CES4A: variants seen among roughly 807,000 people sequenced by gnomAD.
CES4A encodes the protein carboxylesterase 6.
Under a neutral mutation model 65.4 loss-of-function variants are expected in CES4A, and 48 were observed. The observed-to-expected ratio is 0.73, with a 90% CI of 0.58 to 0.93. CES4A has a LOEUF of 0.93. CES4A is among the 40% of genes least tolerant of loss of function. The pLI is 0.00. For synonymous variants in CES4A, 247 were observed against 281.8 expected (o/e 0.88, Z 1.24); for missense variants, 685 against 728.5 (o/e 0.94, Z 0.69).
chr16:66,995,826 C>T, exon 2 of CES4A: 1 of 1,613,138 alleles, frequency 6.2e-7, no homozygotes, highest in Non-Finnish European at 8.5e-7. Context: ...ACCTACCCGC[C>T]TGGGTAAGAG....
chr16:67,003,054 C>T lies in CES4A; in HGVS notation c.691-16C>T. ...ACTTGGGCATCTCACGGGTGTATTCCTCCCTGTTCTTGCAGATGATGTCAC... is the reference window on the plus strand; with the variant it reads ...ACTTGGGCATCTCACGGGTGTATTCTTCCCTGTTCTTGCAGATGATGTCAC... On this transcript the variant is annotated splice_polypyrimidine_tract_variant and intron_variant, in intron 5 of 13. Transcript: ENST00000648724. The surrounding 1 kb of genome is among the most constrained non-coding windows in gnomAD (Gnocchi z 4.2). 6.2e-7 allele frequency: 1 copy of T among 1,608,072 alleles called. No individual in the cohort carries two copies. The highest frequency in any genetic ancestry group is 1.1e-5 in the South Asian group (1 of 90,976).
chr16:67,005,193 G>C, intron 10 of CES4A, 47 bp from the exon 11 acceptor site: 1 of 1,607,912 alleles, frequency 6.2e-7, no homozygotes, highest in Admixed American at 1.7e-5. Context: ...CCCACCTCTG[G>C]CCCAGCTGGC....
chr16:67,004,259 A>T, intron 9 of CES4A, 35 bp downstream of exon 9: 1 of 1,612,196 alleles, frequency 6.2e-7, no homozygotes, highest in Non-Finnish European at 8.5e-7. Context: ...CTCTTGCCTT[A>T]CGTAAGTGAG....
At chr16:67,004,995 G>T in intron 10 of CES4A, 122 bp downstream of exon 10, 1 of 872,332 alleles carries the variant, frequency 1.1e-6, no homozygotes, top group Non-Finnish European at 1.8e-6. Flanking sequence ...TTCTTGGAGG[G>T]TCTGGGGTTT....
intron 1 of CES4A, among the ~76,000 whole-genome samples, chr16:66,994,216 T>TTTTA (rs59252158): frequency 0.075 from 10,830 of 144,136 alleles, 481 homozygotes; most frequent in African/African-American, 0.092. Flanking sequence ...AGACATAAAT[T>TTTTA]TTTATTTATT....
intron 8 of CES4A, 43 bp from the exon 9 acceptor site, chr16:67,004,041 G>T (rs760008317): frequency 1.2e-6 from 2 of 1,609,804 alleles, no homozygotes; most frequent in African/African-American, 2.7e-5. Flanking sequence ...GACCCTGGGA[G>T]GATACTTGAG....
chr16:67,005,138 CA>C, intron 10 of CES4A, 101 bp from the exon 11 acceptor site: 2 of 1,267,418 alleles, frequency 1.6e-6, no homozygotes, highest in Non-Finnish European at 1.1e-6. Context: ...CCTCCCAGGC[CA>C]AAAACTCCTG....
At chr16:66,996,932 T>C (rs1191571444) in intron 2 of CES4A, among the ~76,000 whole-genome samples, 1 of 152,046 alleles carries the variant, frequency 6.6e-6, no homozygotes, top group African/African-American at 2.4e-5. Context: ...GGTGAGCACC[T>C]GTGGTCCCAG....
chr16:67,008,368 A>T, intron 13 of CES4A: 1 of 149,936 alleles, frequency 6.7e-6, no homozygotes, highest in South Asian at 2.1e-4. Context: ...TCTCCTTTCC[A>T]CTTTGATCCC....
rs1597093499 is a variant in CES4A, at chr16:67,004,672, T to G, written c.1081-121T>G. On this transcript the variant is annotated intron_variant, in intron 9 of 13. Transcript: ENST00000648724. ...AGAGTCATGGGCCCTTCCTGGGCTG[T>G]GTGCTGTGTCTGATAACTCATCATT... is the stretch of plus-strand genomic sequence containing the variant. 8 of 753,196 alleles carry G rather than the reference T, an allele frequency of 1.1e-5. No homozygotes were observed. In the South Asian group the frequency reaches 1.3e-4, roughly 12 times the overall value. 46.7% of individuals were successfully genotyped at this position (753,196 alleles called of 1,614,324 possible).
chr16:66,991,895 G>C (rs1188209765), intron 1 of CES4A, among the ~76,000 whole-genome samples: 1 of 152,080 alleles, frequency 6.6e-6, no homozygotes, highest in African/African-American at 2.4e-5. Context: ...GATCACTTGA[G>C]GCCAAGAGTT....
At chr16:66,999,258 C>T (rs192472939) in intron 2 of CES4A, among the ~76,000 whole-genome samples, 3 of 152,298 alleles carry the variant, frequency 2.0e-5, no homozygotes, top group Non-Finnish European at 4.4e-5. Context: ...GGGTGTCCTG[C>T]GCCCAATCAA....
chr16:66,997,948 AACACACACACACACAC>A (rs57562021), intron 2 of CES4A, among the ~76,000 whole-genome samples: 137 of 127,374 alleles, frequency 1.1e-3, no homozygotes, highest in African/African-American at 3.3e-3. Context: ...CCCTATCTAA[AACACACACACACACAC>A]ACACACACAC....
At chr16:67,005,083 C>G in intron 10 of CES4A, 157 bp from the exon 11 acceptor site, 7 of 837,098 alleles carry the variant, frequency 8.4e-6, no homozygotes, top group Non-Finnish European at 1.4e-5. Flanking sequence ...TCAGGGGTTA[C>G]AATCAGCAGA....
intron 2 of CES4A, among the ~76,000 whole-genome samples, chr16:66,997,999 A>G (rs2145609565): frequency 7.7e-6 from 1 of 130,474 alleles, no homozygotes; most frequent in Non-Finnish European, 1.6e-5. Context: ...ACACACACAC[A>G]GTTCCTTTTG....
chr16:66,995,227 G>A (rs910036626), intron 1 of CES4A, among the ~76,000 whole-genome samples: 4 of 148,056 alleles, frequency 2.7e-5, no homozygotes, highest in Non-Finnish European at 6.0e-5. Flanking sequence ...GGAGAATGGC[G>A]TGAATCTGGG....
intron 2 of CES4A, among the ~76,000 whole-genome samples, chr16:66,999,635 C>G (rs550667671): frequency 2.4e-4 from 36 of 152,324 alleles, no homozygotes; most frequent in African/African-American, 7.9e-4. Context: ...AACCCCGACT[C>G]TACTAAAAAT....
chr16:67,008,146 C>T (rs1597105056), intron 13 of CES4A: 1 of 152,164 alleles, frequency 6.6e-6, no homozygotes, highest in African/African-American at 2.4e-5. Context: ...GTCTCCAACT[C>T]CCGGGCTCAA....
At chr16:67,010,041 A>G (rs560193824), downstream of CES4A, among the ~76,000 whole-genome samples, 1 of 148,114 alleles carries the variant, frequency 6.8e-6, no homozygotes, top group East Asian at 2.0e-4. Flanking sequence ...CCTGTCCCAC[A>G]GTTTTGTTTC....
Sources: allele counts gnomAD v4.1 joint callset (sites outside exome capture counted in the v4.1 genomes callset), GRCh38; gene constraint gnomAD v4.1.1; non-coding constraint Gnocchi (gnomAD v3.1); transcripts MANE v1.5; gene names NCBI Gene and HGNC (gene_info 2026-07-23, HGNC 2026-07-21).